Variants in CPA6 observed in about 807,000 individuals in gnomAD.
CPA6 encodes the protein carboxypeptidase A6.
In CPA6, 58 loss-of-function variants were observed where a neutral mutation model predicts 63.3. The observed-to-expected ratio is 0.92, with a 90% CI of 0.74 to 1.14. CPA6 has a LOEUF of 1.14. Among genes scored for constraint, CPA6 ranks in the 50% most tolerant of loss-of-function variants. CPA6 has a pLI of 0.00. For synonymous variants in CPA6, 185 were observed against 179.0 expected, an observed-to-expected ratio of 1.03 and a Z score of -0.27; for missense variants, 565 against 526.6, an observed-to-expected ratio of 1.07 and a Z score of -0.71.
intron 2 of CPA6, among the ~76,000 whole-genome samples, chr8:67,582,428 T>C (rs2128978660): frequency 6.6e-6 from 1 of 152,308 alleles, no homozygotes; most frequent in South Asian, 2.1e-4. Context: ...CTGGCCAACG[T>C]GTAAGAAGAG....
chr8:67,581,616 G>C (rs185305924), intron 2 of CPA6, among the ~76,000 whole-genome samples: 1 of 152,320 alleles, frequency 6.6e-6, no homozygotes, highest in Admixed American at 6.5e-5. Flanking sequence ...TTAGGCCAGA[G>C]AGTGGCATAA....
intron 2 of CPA6, 71 bp downstream of exon 2, chr8:67,624,105 C>T (rs1587645782): frequency 2.3e-6 from 2 of 878,594 alleles, no homozygotes; most frequent in East Asian, 2.5e-5. Context: ...AATTATTCAA[C>T]TCCAGTCAGC....
chr8:67,423,210 G>C (rs1809807484), intron 10 of CPA6, among the ~76,000 whole-genome samples: 1 of 152,076 alleles, frequency 6.6e-6, no homozygotes. Flanking sequence ...TCAGCCTCCT[G>C]AGTAACTGGG....
intron 2 of CPA6, among the ~76,000 whole-genome samples, chr8:67,587,219 T>G (rs1204322381): frequency 6.6e-6 from 1 of 152,046 alleles, no homozygotes; most frequent in Non-Finnish European, 1.5e-5. Context: ...GTAATTGTGA[T>G]GGATAGTGCT....
intron 6 of CPA6, among the ~76,000 whole-genome samples, chr8:67,497,041 A>G: frequency 6.6e-6 from 1 of 152,118 alleles, no homozygotes; most frequent in Non-Finnish European, 1.5e-5. Flanking sequence ...AACTTCTTTC[A>G]TTTAGCATGT....
intron 1 of CPA6, among the ~76,000 whole-genome samples, chr8:67,705,008 A>G (rs1367901011): frequency 3.3e-5 from 5 of 152,176 alleles, no homozygotes; most frequent in Non-Finnish European, 1.5e-5. Context: ...AGGGCTAAAG[A>G]GAAGGAGAAA....
intron 8 of CPA6, among the ~76,000 whole-genome samples, chr8:67,449,792 C>T (rs1289026494): frequency 1.3e-5 from 2 of 150,168 alleles, no homozygotes; most frequent in African/African-American, 4.9e-5. Context: ...TCTGGGGAAT[C>T]AGTCACCCAA....
intron 1 of CPA6, among the ~76,000 whole-genome samples, chr8:67,688,882 A>C (rs1816759010): frequency 6.6e-6 from 1 of 152,126 alleles, no homozygotes; most frequent in Non-Finnish European, 1.5e-5. Flanking sequence ...ATTTAGAGAG[A>C]TAAGATCTAG....
chr8:67,617,956 T>C (rs1451423559), intron 2 of CPA6, among the ~76,000 whole-genome samples: 2 of 152,154 alleles, frequency 1.3e-5, no homozygotes, highest in Admixed American at 6.5e-5. Flanking sequence ...CAGGAGTGAG[T>C]AGTCTGAGTG....
chr8:67,595,125 T>A (rs1814287655), intron 2 of CPA6, among the ~76,000 whole-genome samples: 1 of 152,202 alleles, frequency 6.6e-6, no homozygotes, highest in South Asian at 2.1e-4. Context: ...GCAGGTCTGT[T>A]GGAGTTTGCT....
intron 2 of CPA6, among the ~76,000 whole-genome samples, chr8:67,525,634 C>T (rs116484278): frequency 0.019 from 2,931 of 152,196 alleles, 89 homozygotes; most frequent in African/African-American, 0.064. Context: ...CAAAACAAAG[C>T]GCATGTGTTG....
chr8:67,633,375 C>G (rs1389196517), intron 1 of CPA6, among the ~76,000 whole-genome samples: 1 of 151,996 alleles, frequency 6.6e-6, no homozygotes, highest in South Asian at 2.1e-4. Flanking sequence ...TTTTCTTCCT[C>G]TTTCTTGGAT....
At chr8:67,583,202 T>TTG (rs374601502) in intron 2 of CPA6, among the ~76,000 whole-genome samples, 1 of 152,246 alleles carries the variant, frequency 6.6e-6, no homozygotes, top group African/African-American at 2.4e-5. Flanking sequence ...TGCAGCTGCC[T>TTG]TGTGCAACTA....
intron 2 of CPA6, among the ~76,000 whole-genome samples, chr8:67,530,717 T>G (rs1812459796): frequency 6.6e-6 from 1 of 152,144 alleles, no homozygotes; most frequent in Non-Finnish European, 1.5e-5. Context: ...AGGATCAAGA[T>G]TTGGGGCCCA....
chr8:67,722,954 A>G (rs984320232), intron 1 of CPA6, among the ~76,000 whole-genome samples: 1 of 151,692 alleles, frequency 6.6e-6, no homozygotes, highest in African/African-American at 2.4e-5. Flanking sequence ...TTTCCTCCCC[A>G]CCAAAAGAAA....
intron 1 of CPA6, among the ~76,000 whole-genome samples, chr8:67,640,090 G>T (rs1815555831): frequency 6.6e-6 from 1 of 151,434 alleles, no homozygotes; most frequent in African/African-American, 2.5e-5. Flanking sequence ...GGAAGTATGT[G>T]CCAGTTGGTC....
intron 1 of CPA6, among the ~76,000 whole-genome samples, chr8:67,684,128 A>C (rs11988544): frequency 0.47 from 69,897 of 148,230 alleles, 19,488 homozygotes; most frequent in African/African-American, 0.79. Context: ...CTCAAGTGAA[A>C]CTCCTGCCTC....
chr8:67,691,925 A>T (rs1276255991), intron 1 of CPA6, among the ~76,000 whole-genome samples: 1 of 152,186 alleles, frequency 6.6e-6, no homozygotes, highest in Admixed American at 6.5e-5. Flanking sequence ...TCCAACCCAG[A>T]TCCTTTTCTG....
intron 2 of CPA6, among the ~76,000 whole-genome samples, chr8:67,613,598 G>C (rs1432513013): frequency 2.0e-5 from 3 of 152,192 alleles, no homozygotes; most frequent in African/African-American, 7.2e-5. Context: ...CTACTTTACA[G>C]ATCAGGAAAT....
Sources: gnomAD v4.1 joint callset for allele counts (sites outside exome capture counted in the v4.1 genomes callset) on GRCh38, gnomAD v4.1.1 for gene constraint, MANE v1.5 for transcripts, NCBI Gene and HGNC (gene_info 2026-07-23, HGNC 2026-07-21) for gene names.